The following CACNA1C variants were observed in gnomAD, a reference collection of about 807,000 sequenced individuals.
CACNA1C encodes calcium voltage-gated channel subunit alpha1 C, also known as voltage-dependent L-type calcium channel subunit alpha-1C.
CACNA1C carries 30 observed loss-of-function variants against 229.0 expected under a neutral mutation model. That is an observed-to-expected ratio of 0.13 (90% CI 0.10 to 0.18). The LOEUF is 0.18. Among genes scored for constraint, CACNA1C ranks in the 10% least tolerant of loss-of-function variants. The pLI is 1.00. For synonymous variants in CACNA1C, 1,114 were observed against 1,132.5 expected, an observed-to-expected ratio of 0.98 and a Z score of 0.33; for missense variants, 1,658 against 2,845.0, an observed-to-expected ratio of 0.58 and a Z score of 9.49.
intron 3 of CACNA1C, among the ~76,000 whole-genome samples, chr12:2,424,630 C>T (rs755615130): frequency 1.3e-5 from 2 of 152,072 alleles, no homozygotes; most frequent in Non-Finnish European, 2.9e-5. Context: ...GAGAGTGGGG[C>T]CCAGAGCATC....
intron 3 of CACNA1C, among the ~76,000 whole-genome samples, chr12:2,157,168 AAAT>A (rs1330492464): frequency 2.0e-5 from 3 of 152,206 alleles, no homozygotes; most frequent in Non-Finnish European, 4.4e-5. Context: ...CTCACCACAA[AAAT>A]AATAACTATG....
At chr12:2,389,436 AT>A (rs1196031118) in intron 3 of CACNA1C, among the ~76,000 whole-genome samples, 2 of 152,236 alleles carry the variant, frequency 1.3e-5, no homozygotes, top group Non-Finnish European at 2.9e-5. Flanking sequence ...GATATCTTCT[AT>A]TTTTGTTGTC....
intron 3 of CACNA1C, among the ~76,000 whole-genome samples, chr12:2,204,845 A>C (rs1161904172): frequency 7.1e-6 from 1 of 141,524 alleles, no homozygotes; most frequent in Admixed American, 7.1e-5. Context: ...CTAATGCTAG[A>C]TGATGAGTTA....
intron 1 of CACNA1C, among the ~76,000 whole-genome samples, chr12:2,016,074 G>C (rs753268995): frequency 6.6e-6 from 1 of 152,190 alleles, no homozygotes; most frequent in Non-Finnish European, 1.5e-5. Flanking sequence ...GACCAATTCA[G>C]TGGGAAATGG....
intron 3 of CACNA1C, among the ~76,000 whole-genome samples, chr12:2,418,863 T>G (rs1040990375): frequency 2.0e-5 from 3 of 152,030 alleles, no homozygotes; most frequent in African/African-American, 4.8e-5. Context: ...GCTCCACTGC[T>G]TGTAGAGGGG....
intron 3 of CACNA1C, among the ~76,000 whole-genome samples, chr12:2,137,692 GT>G (rs1236707766): frequency 2.0e-4 from 29 of 146,252 alleles, no homozygotes; most frequent in East Asian, 1.6e-3. Context: ...AATACTTACT[GT>G]TTTTTTTTTT....
At chr12:2,361,362 A>G (rs1432629124) in intron 3 of CACNA1C, among the ~76,000 whole-genome samples, 2 of 152,190 alleles carry the variant, frequency 1.3e-5, no homozygotes, top group Non-Finnish European at 2.9e-5. Context: ...TAGACTTTCC[A>G]GTGTCCTGCA....
chr12:2,123,688 A>G (rs1263981568), intron 3 of CACNA1C, among the ~76,000 whole-genome samples: 2 of 152,150 alleles, frequency 1.3e-5, no homozygotes, highest in Non-Finnish European at 2.9e-5. Flanking sequence ...TTGCTGTCAC[A>G]TGGAACCATC....
At chr12:2,195,411 T>G (rs1008192474) in intron 3 of CACNA1C, among the ~76,000 whole-genome samples, 1 of 152,222 alleles carries the variant, frequency 6.6e-6, no homozygotes, top group Non-Finnish European at 1.5e-5. Flanking sequence ...TCTCTGGGCC[T>G]CAGTTTCTCC....
chr12:2,005,427 CTA>C (rs1236370612), intron 1 of CACNA1C, among the ~76,000 whole-genome samples: 2 of 152,112 alleles, frequency 1.3e-5, no homozygotes, highest in Non-Finnish European at 2.9e-5. Context: ...GATGGGCAAA[CTA>C]TGATTATTCA....
At chr12:2,069,604 C>T (rs527702900) in intron 1 of CACNA1C, among the ~76,000 whole-genome samples, 7 of 152,286 alleles carry the variant, frequency 4.6e-5, no homozygotes, top group Middle Eastern at 3.4e-3. Flanking sequence ...GCATTTTGTT[C>T]GAACCATTTA....
At chr12:2,399,328 T>C (rs1353109081) in intron 3 of CACNA1C, among the ~76,000 whole-genome samples, 1 of 152,180 alleles carries the variant, frequency 6.6e-6, no homozygotes, top group East Asian at 1.9e-4. Context: ...TTTTACCCCC[T>C]GTCCTCTTGG....
chr12:2,646,069 C>T lies in CACNA1C; in HGVS notation c.3913-2406C>T, dbSNP rs1220977607. On this transcript the variant is annotated intron_variant, in intron 30 of 46. Transcript: ENST00000399655. The surrounding 1 kb of genome is among the most constrained non-coding windows in gnomAD (Gnocchi z 4.6). Reference sequence around the variant, plus strand: ...TGCCATAGGAAATGTTAAATCAATACATGTTACTAAAATACAAAATACTAT... The same window carrying T: ...TGCCATAGGAAATGTTAAATCAATATATGTTACTAAAATACAAAATACTAT... Among the ~76,000 whole-genome samples, 1 of 152,184 alleles carries T rather than the reference C, an allele frequency of 6.6e-6. No homozygotes were observed. The highest frequency in any genetic ancestry group is 1.5e-5 in the Non-Finnish European group (1 of 68,032).
At chr12:2,210,694 A>G (rs944315904) in intron 3 of CACNA1C, among the ~76,000 whole-genome samples, 1 of 152,252 alleles carries the variant, frequency 6.6e-6, no homozygotes, top group African/African-American at 2.4e-5. Context: ...CAAAGTTTAG[A>G]AACATTTCAT....
At chr12:2,102,438 C>T (rs1332701732) in intron 1 of CACNA1C, among the ~76,000 whole-genome samples, 1 of 152,162 alleles carries the variant, frequency 6.6e-6, no homozygotes, top group Non-Finnish European at 1.5e-5. Flanking sequence ...GAGGCTGAGC[C>T]AGTGTCTGGG....
chr12:2,584,710 C>G lies in CACNA1C; in HGVS notation c.2339+93C>G. ...GGCAGAGAGAGGCTTGACTGCTAGCCTCTGTTGGCTCTCCCTCCTAGGAGG... is the reference window on the plus strand; with the variant it reads ...GGCAGAGAGAGGCTTGACTGCTAGCGTCTGTTGGCTCTCCCTCCTAGGAGG... On this transcript the variant is annotated intron_variant, in intron 16 of 46. Transcript: ENST00000399655. The G allele has an allele frequency of 3.6e-6, 3 of 824,622 alleles. No individual in the cohort carries two copies. In the South Asian group the frequency reaches 5.1e-5, roughly 14 times the overall value. The allele number at this position is 824,622 out of a possible 1,614,324, so 51.1% of individuals were successfully genotyped here.
intron 3 of CACNA1C, among the ~76,000 whole-genome samples, chr12:2,130,353 G>A (rs1191954354): frequency 7.0e-6 from 1 of 142,962 alleles, no homozygotes; most frequent in Admixed American, 6.9e-5. Context: ...TGCACATTGT[G>A]CAGGTTAGTT....
At chr12:2,256,879 A>G (rs1318741256) in intron 3 of CACNA1C, among the ~76,000 whole-genome samples, 1 of 152,228 alleles carries the variant, frequency 6.6e-6, no homozygotes, top group Non-Finnish European at 1.5e-5. Context: ...GCTACCTTTT[A>G]AAATAGTAAA....
rs992790173 is a variant in CACNA1C at position 1,971,688 on chromosome 12, G to C, written c.139+487G>C. Among the ~76,000 whole-genome samples the C allele has an allele frequency of 1.3e-5, 2 of 152,220 alleles. No individual in the cohort carries two copies. Among genetic ancestry groups the C allele is most frequent in the Non-Finnish European group, 2.9e-5 (2 of 68,048 alleles). ...GGCCATTAAAGGCAGTGTCATGTCA[G>C]CGTCATTCAAATGTACATTTTCATT... On this transcript the variant is annotated intron_variant, in intron 1 of 46. Coordinates refer to the CACNA1C transcript ENST00000682462. This position sits in a 1 kb window ranked among gnomAD's most constrained non-coding sequence, Gnocchi z 4.2.
Sources: allele counts gnomAD v4.1 joint callset (sites outside exome capture counted in the v4.1 genomes callset), GRCh38; gene constraint gnomAD v4.1.1; non-coding constraint Gnocchi (gnomAD v3.1); transcripts MANE v1.5; gene names NCBI Gene and HGNC (gene_info 2026-07-23, HGNC 2026-07-21).